The following MAN1C1 variants were observed in gnomAD, a reference collection of about 807,000 sequenced individuals.
MAN1C1 encodes mannosyl-oligosaccharide 1,2-alpha-mannosidase IC.
In MAN1C1, 49 loss-of-function variants were observed where a neutral mutation model predicts 71.5. The ratio of observed to expected loss-of-function variants is 0.69; its 90% confidence interval spans 0.54 to 0.87. The LOEUF (loss-of-function observed/expected upper bound fraction) is 0.87, where lower values mean the gene tolerates loss of function less well. MAN1C1 is among the 40% of genes least tolerant of loss of function. The probability of loss-of-function intolerance (pLI) is 0.00; values close to 1 mark genes in which losing one functional copy is unlikely to be tolerated. For missense variants in MAN1C1, 743 were observed against 835.0 expected (o/e 0.89, Z 1.36); for synonymous variants, 352 against 343.7 (o/e 1.02, Z -0.27).
chr1:25,759,600 C>T (rs1202860923), intron 6 of MAN1C1: 5 of 152,214 alleles, frequency 3.3e-5, no homozygotes, highest in Non-Finnish European at 7.3e-5. Flanking sequence ...TGATAGATTC[C>T]CACAGCTACC....
At position 25,617,808 on chromosome 1, in the gene MAN1C1, G is replaced by A; in HGVS notation, c.11G>A (p.Arg4Lys). The stretch of plus-strand genomic sequence containing the variant: ...ACCGGCCGGGCCACGATGCTCATGA[G>A]GAAAGTGCCCGGCTTCGTCCCGGCC... MLM[R>K]KVPGFVPASP... Residue 4 changes from arginine to lysine, a missense_variant, in exon 1 of 12, where the codon AGG becomes AAG. Arg to Lys is a conservative substitution (Grantham distance 26). Transcript: ENST00000374332. The surrounding 1 kb of genome is among the most constrained non-coding windows in gnomAD (Gnocchi z 5.1). 6.2e-7 allele frequency: 1 copy of A among 1,600,226 alleles called. No homozygotes were observed. Among genetic ancestry groups the A allele is most frequent in the Non-Finnish European group, 8.5e-7 (1 of 1,175,120 alleles).
intron 5 of MAN1C1, among the ~76,000 whole-genome samples, chr1:25,754,789 C>A (rs996177325): frequency 1.3e-5 from 2 of 152,198 alleles, no homozygotes; most frequent in Non-Finnish European, 2.9e-5. Flanking sequence ...TCTCTCAGAG[C>A]AGGGACCTGA....
chr1:25,680,916 T>C (rs953512435), intron 1 of MAN1C1, among the ~76,000 whole-genome samples: 1 of 152,134 alleles, frequency 6.6e-6, no homozygotes, highest in African/African-American at 2.4e-5. Context: ...GGCGATGATT[T>C]ATTACAGTGA....
chr1:25,627,898 C>G (rs2045322835), intron 1 of MAN1C1, among the ~76,000 whole-genome samples: 1 of 151,660 alleles, frequency 6.6e-6, no homozygotes, highest in Non-Finnish European at 1.5e-5. Context: ...CAAAAATTAT[C>G]CAGGCATGAT....
At chr1:25,774,722 A>T (rs2047596926) in intron 8 of MAN1C1, among the ~76,000 whole-genome samples, 1 of 152,226 alleles carries the variant, frequency 6.6e-6, no homozygotes, top group Admixed American at 6.5e-5. Context: ...CCTAAATCGC[A>T]GAGCTGAGAT....
At chr1:25,742,732 C>T (rs2047079163) in intron 2 of MAN1C1, among the ~76,000 whole-genome samples, 1 of 152,192 alleles carries the variant, frequency 6.6e-6, no homozygotes, top group South Asian at 2.1e-4. Flanking sequence ...GAATGGCTTG[C>T]CCTATTGCAC....
At chr1:25,679,896 C>G (rs1268077863) in intron 1 of MAN1C1, among the ~76,000 whole-genome samples, 1 of 140,244 alleles carries the variant, frequency 7.1e-6, no homozygotes, top group African/African-American at 2.7e-5. Context: ...TAGAGCCTAC[C>G]TCTGGGTAGA....
intron 6 of MAN1C1, chr1:25,759,258 C>A: frequency 6.1e-6 from 1 of 162,730 alleles, no homozygotes; most frequent in Non-Finnish European, 1.4e-5. Context: ...CACCAATCAG[C>A]CCTGACAGCT....
chr1:25,683,807 C>G (rs1238925962), intron 1 of MAN1C1, among the ~76,000 whole-genome samples: 2 of 152,192 alleles, frequency 1.3e-5, no homozygotes, highest in Non-Finnish European at 2.9e-5. Flanking sequence ...CTGTCCCCTG[C>G]TCACCCAGCA....
chr1:25,632,948 A>G (rs1053567137), intron 1 of MAN1C1, among the ~76,000 whole-genome samples: 13 of 149,076 alleles, frequency 8.7e-5, no homozygotes, highest in African/African-American at 2.8e-4. Flanking sequence ...GCTCACTGCA[A>G]CCTCTGCTTC....
intron 2 of MAN1C1, among the ~76,000 whole-genome samples, chr1:25,694,117 C>T (rs560915889): frequency 6.6e-6 from 1 of 152,310 alleles, no homozygotes; most frequent in African/African-American, 2.4e-5. Flanking sequence ...GCCCTATTTT[C>T]CCTCATGTCC....
rs565707019 is a variant in MAN1C1, at chr1:25,662,783, C to T, written c.541-23657C>T. Among the ~76,000 whole-genome samples the T allele has an allele frequency of 1.1e-4, 17 of 151,988 alleles. No individual in the cohort carries two copies. In the East Asian group the frequency reaches 1.5e-3, roughly 14 times the overall value. On this transcript the variant is annotated intron_variant, in intron 1 of 11. Coordinates refer to ENST00000374332, the MANE Select transcript of MAN1C1 (RefSeq NM_020379.4). ...TCTCTATTAAAAAATATATTTAGGCCGGGCACGGTGGCTCACGCCTGTAAT... is the reference window on the plus strand; with the variant it reads ...TCTCTATTAAAAAATATATTTAGGCTGGGCACGGTGGCTCACGCCTGTAAT...
At chr1:25,665,263 G>A (rs147043197) in intron 1 of MAN1C1, among the ~76,000 whole-genome samples, 10 of 152,210 alleles carry the variant, frequency 6.6e-5, no homozygotes, top group Non-Finnish European at 7.4e-5. Context: ...TGAGACACAC[G>A]TACACATGTC....
chr1:25,651,517 G>A (rs1031549664), intron 1 of MAN1C1, among the ~76,000 whole-genome samples: 1 of 152,244 alleles, frequency 6.6e-6, no homozygotes, highest in Non-Finnish European at 1.5e-5. Flanking sequence ...TGTGGACCAA[G>A]TCTCCTCAAA....
At chr1:25,656,580 C>T (rs564094661) in intron 1 of MAN1C1, among the ~76,000 whole-genome samples, 3 of 152,182 alleles carry the variant, frequency 2.0e-5, no homozygotes, top group African/African-American at 2.4e-5. Context: ...GAATTCCTTC[C>T]GGGGTCTCTA....
intron 1 of MAN1C1, among the ~76,000 whole-genome samples, chr1:25,676,294 G>A (rs764347741): frequency 4.5e-4 from 69 of 152,046 alleles, no homozygotes; most frequent in Non-Finnish European, 7.8e-4. Context: ...GAGTAAACCC[G>A]AAACTGAGAG....
At chr1:25,667,610 C>T (rs2045942300) in intron 1 of MAN1C1, among the ~76,000 whole-genome samples, 1 of 151,166 alleles carries the variant, frequency 6.6e-6, no homozygotes, top group African/African-American at 2.4e-5. Context: ...GTTAATTGTT[C>T]TTCGGCATTC....
chr1:25,704,934 C>T (rs2046498725), intron 2 of MAN1C1, among the ~76,000 whole-genome samples: 1 of 152,214 alleles, frequency 6.6e-6, no homozygotes, highest in African/African-American at 2.4e-5. Flanking sequence ...AGCTCCTCTC[C>T]TCCAATGCAA....
intron 2 of MAN1C1, among the ~76,000 whole-genome samples, chr1:25,719,754 G>A (rs899913229): frequency 1.3e-5 from 2 of 151,968 alleles, no homozygotes; most frequent in African/African-American, 4.8e-5. Context: ...CCATTCTAGT[G>A]GGTGGAAAGT....
Sources: gnomAD v4.1 joint callset for allele counts (sites outside exome capture counted in the v4.1 genomes callset) on GRCh38, gnomAD v4.1.1 for gene constraint, Gnocchi (gnomAD v3.1) non-coding constraint, MANE v1.5 for transcripts, NCBI Gene and HGNC (gene_info 2026-07-23, HGNC 2026-07-21) for gene names.